Variants in MYO3A observed in about 807,000 individuals in gnomAD.
MYO3A encodes myosin-IIIa.
Under a neutral mutation model 192.7 loss-of-function variants are expected in MYO3A, and 180 were observed. The observed-to-expected ratio is 0.93, with a 90% confidence interval of 0.83 to 1.06. The LOEUF is 1.06. Ranked by LOEUF, MYO3A falls within the 50% of genes least tolerant of loss-of-function variation. The pLI, the probability that MYO3A is intolerant of heterozygous loss-of-function variation, is 0.00. For synonymous variants in MYO3A, 628 were observed against 645.3 expected, an observed-to-expected ratio of 0.97 and a Z score of 0.41; for missense variants, 1,896 against 1,905.0, an observed-to-expected ratio of 1.00 and a Z score of 0.09.
intron 26 of MYO3A, 35 bp downstream of exon 26, chr10:26,157,550 G>A: frequency 6.3e-7 from 1 of 1,587,224 alleles, no homozygotes; most frequent in South Asian, 1.1e-5. Flanking sequence ...CTATTGTGCA[G>A]TTTATATAAA....
At chr10:26,202,767 G>GT in intron 33 of MYO3A, 197 bp from the exon 34 acceptor site, 1 of 559,368 alleles carries the variant, frequency 1.8e-6, no homozygotes, top group Non-Finnish European at 3.1e-6. Context: ...TCTGTTCAAG[G>GT]TAAGATATGA....
At chr10:26,046,222 G>C (rs935761601) in intron 10 of MYO3A, among the ~76,000 whole-genome samples, 5 of 152,144 alleles carry the variant, frequency 3.3e-5, no homozygotes, top group Admixed American at 6.5e-5. Context: ...TAGTAGAACT[G>C]AGCCGTCAAC....
chr10:26,084,067 G>A (rs1230379774), intron 14 of MYO3A, among the ~76,000 whole-genome samples: 1 of 152,154 alleles, frequency 6.6e-6, no homozygotes, highest in Non-Finnish European at 1.5e-5. Context: ...CCTCTTATGA[G>A]TTATACCTTA....
chr10:26,119,246 T>C (rs1838703954), intron 17 of MYO3A, among the ~76,000 whole-genome samples: 1 of 152,160 alleles, frequency 6.6e-6, no homozygotes, highest in Non-Finnish European at 1.5e-5. Flanking sequence ...TTTTTGGCTC[T>C]ATTTTCTTCG....
intron 20 of MYO3A, among the ~76,000 whole-genome samples, chr10:26,130,599 T>C (rs1369311430): frequency 6.6e-6 from 1 of 152,214 alleles, no homozygotes. Context: ...TCCAGGATTA[T>C]ACAAAGCATT....
intron 31 of MYO3A, among the ~76,000 whole-genome samples, chr10:26,189,574 C>T (rs536020035): frequency 1.0e-3 from 157 of 152,232 alleles, no homozygotes; most frequent in African/African-American, 2.4e-3. Flanking sequence ...CTATAAACAT[C>T]GTCTCTCAGG....
chr10:26,033,976 C>T (rs1007014888), intron 10 of MYO3A, among the ~76,000 whole-genome samples: 2 of 152,042 alleles, frequency 1.3e-5, no homozygotes, highest in African/African-American at 4.8e-5. Context: ...ATACAGAGAC[C>T]AGACCACTGA....
intron 4 of MYO3A, among the ~76,000 whole-genome samples, chr10:25,962,922 A>G (rs1441384140): frequency 6.6e-6 from 1 of 152,192 alleles, no homozygotes; most frequent in Non-Finnish European, 1.5e-5. Flanking sequence ...AGGTAAGGAA[A>G]TCTGGGCTTC....
chr10:26,118,947 T>C (rs1179990315), intron 17 of MYO3A, among the ~76,000 whole-genome samples: 1 of 152,154 alleles, frequency 6.6e-6, no homozygotes, highest in Non-Finnish European at 1.5e-5. Flanking sequence ...CTCTTTCTGT[T>C]GGCCCAGGGA....
At chr10:25,957,989 C>A (rs1837668575) in intron 4 of MYO3A, among the ~76,000 whole-genome samples, 1 of 152,040 alleles carries the variant, frequency 6.6e-6, no homozygotes, top group African/African-American at 2.4e-5. Flanking sequence ...GATATTAGAC[C>A]TTTGTCAGAT....
chr10:25,997,254 T>C lies in MYO3A; in HGVS notation c.504T>C (p.Asp168=). Residue 168 remains aspartate (D), a synonymous_variant, in exon 6 of 35, where the codon GAT becomes GAC. Coordinates refer to ENST00000642920, the MANE Select transcript of MYO3A (RefSeq NM_017433.5). ...CGGAAGGTGGAGTGAAACTAGTAGA[T>C]TTTGGTAAGTTTTGTTTAAAATGCA... is the stretch of plus-strand genomic sequence containing the variant. ...LTTEGGVKLV[D]FGVSAQLTST... 6.2e-7 allele frequency: 1 copy of C among 1,603,924 alleles called. No homozygotes were observed. Among genetic ancestry groups the C allele is most frequent in the Non-Finnish European group, 8.5e-7 (1 of 1,171,032 alleles).
chr10:26,168,637 G>C, intron 27 of MYO3A, 75 bp from the exon 28 acceptor site: 1 of 1,465,408 alleles, frequency 6.8e-7, no homozygotes, highest in Non-Finnish European at 9.4e-7. Flanking sequence ...AATGTGTTCT[G>C]TTCTTCAAAG....
intron 9 of MYO3A, among the ~76,000 whole-genome samples, chr10:26,024,507 T>C (rs1842453499): frequency 6.6e-6 from 1 of 152,212 alleles, no homozygotes. Flanking sequence ...GATCCTGTCA[T>C]CATGTTGTTA....
At chr10:26,157,888 G>T (rs1439514579) in intron 26 of MYO3A, among the ~76,000 whole-genome samples, 1 of 152,140 alleles carries the variant, frequency 6.6e-6, no homozygotes, top group Non-Finnish European at 1.5e-5. Context: ...AGACATTTCT[G>T]GTTGTCACAT....
At chr10:26,060,186 GA>G (rs1228267683) in intron 10 of MYO3A, among the ~76,000 whole-genome samples, 1 of 151,526 alleles carries the variant, frequency 6.6e-6, no homozygotes, top group Non-Finnish European at 1.5e-5. Flanking sequence ...TTGAACCCGG[GA>G]GGCAGAGGTT....
At chr10:26,205,583 A>T (rs7073982) in intron 34 of MYO3A, among the ~76,000 whole-genome samples, 50,389 of 142,406 alleles carry the variant, frequency 0.35, 11,924 homozygotes, top group African/African-American at 0.68. Context: ...CGTGTTGTTA[A>T]AAATGGCAGG....
intron 10 of MYO3A, among the ~76,000 whole-genome samples, chr10:26,035,173 A>G (rs1005334646): frequency 2.0e-5 from 3 of 152,132 alleles, no homozygotes; most frequent in African/African-American, 4.8e-5. Flanking sequence ...GGAAATTTGG[A>G]AAAGAAATAA....
chr10:26,066,215 T>A lies in MYO3A; in HGVS notation c.954-760T>A, dbSNP rs577374297. Among the ~76,000 whole-genome samples, 4 of 152,012 alleles carry A rather than the reference T, an allele frequency of 2.6e-5. No individual in the cohort carries two copies. The South Asian group carries it at 8.3e-4, about 32-fold the overall frequency. On this transcript the variant is annotated intron_variant, in intron 10 of 34. Coordinates refer to ENST00000642920, the MANE Select transcript of MYO3A (RefSeq NM_017433.5). ...TAAATTTCTAAGCAATAAGAAACCA[T>A]TACAGTTTTCTGAGTAAGTGTTAAG...
intron 17 of MYO3A, among the ~76,000 whole-genome samples, chr10:26,101,030 T>C (rs532512899): frequency 2.0e-5 from 3 of 152,350 alleles, no homozygotes; most frequent in African/African-American, 7.2e-5. Context: ...TGTGGGAGTC[T>C]ACGTCTCTTT....
Sources: gnomAD v4.1 joint callset for allele counts (sites outside exome capture counted in the v4.1 genomes callset) on GRCh38, gnomAD v4.1.1 for gene constraint, MANE v1.5 for transcripts, NCBI Gene and HGNC (gene_info 2026-07-23, HGNC 2026-07-21) for gene names.